Variants in NDRG4 observed in about 807,000 individuals in gnomAD.
NDRG4 encodes the protein protein NDRG4.
In NDRG4, 38 loss-of-function variants were observed where a neutral mutation model predicts 55.8. The observed-to-expected ratio is 0.68, with a 90% CI of 0.53 to 0.89. The LOEUF (loss-of-function observed/expected upper bound fraction) is 0.89. Ranked by LOEUF, NDRG4 falls within the 40% of genes least tolerant of loss-of-function variation. NDRG4 has a pLI of 0.00. For synonymous variants in NDRG4, 190 were observed against 182.7 expected (o/e 1.04, Z -0.32); for missense variants, 455 against 468.6 (o/e 0.97, Z 0.27).
intron 1 of NDRG4, among the ~76,000 whole-genome samples, chr16:58,477,516 G>A (rs959539202): frequency 6.6e-6 from 1 of 152,110 alleles, no homozygotes; most frequent in Non-Finnish European, 1.5e-5. Flanking sequence ...AATAATGATA[G>A]CAATGGCTTT....
chr16:58,494,995 A>G (rs1289657771), exon 3 of NDRG4: 1 of 1,613,566 alleles, frequency 6.2e-7, no homozygotes, highest in Non-Finnish European at 8.5e-7. Flanking sequence ...TTGGCTGCAG[A>G]CACAGACTGG....
chr16:58,505,143 A>G (rs1342531281), intron 5 of NDRG4, among the ~76,000 whole-genome samples: 1 of 152,104 alleles, frequency 6.6e-6, no homozygotes, highest in African/African-American at 2.4e-5. Flanking sequence ...AGGTCAGGAG[A>G]TCAAGACCAT....
At chr16:58,480,435 T>TGTCTG (rs1567577576) in intron 1 of NDRG4, among the ~76,000 whole-genome samples, 1 of 152,202 alleles carries the variant, frequency 6.6e-6, no homozygotes, top group Non-Finnish European at 1.5e-5. Context: ...CCCCTCCAAG[T>TGTCTG]TTTGTGGCCA....
In NDRG4 at chr16:58,504,308, G is replaced by A. The variant is rs200646273; in HGVS notation, c.248+34G>A. Reference sequence around the variant, plus strand: ...CCTGAGCCCCCTCTGCCTGTCTCCAGCTCTGCACCTGAGGCCACACCTGGG... The same window carrying A: ...CCTGAGCCCCCTCTGCCTGTCTCCAACTCTGCACCTGAGGCCACACCTGGG... On this transcript the variant is annotated intron_variant, in intron 3 of 14. Coordinates refer to ENST00000570248, the MANE Select transcript of NDRG4 (RefSeq NM_001242835.2). 7.4e-6 allele frequency: 12 copies of A among 1,613,992 alleles called. No individual in the cohort carries two copies. In the African/African-American group the frequency reaches 1.6e-4, roughly 22 times the overall value.
chr16:58,500,145 A>C lies in NDRG4; in HGVS notation c.-104A>C. 6.5e-7 allele frequency: 1 copy of C among 1,534,864 alleles called. No individual in the cohort carries two copies. The highest frequency in any genetic ancestry group is 8.7e-7 in the Non-Finnish European group (1 of 1,146,258). On this transcript the variant is annotated 5_prime_UTR_variant, in exon 1 of 15. Coordinates refer to ENST00000570248, the MANE Select transcript of NDRG4 (RefSeq NM_001242835.2). Reference sequence around the variant, plus strand: ...TGGCCCAGGAGCTGTGCCCCATCACAGAGCCGACCATCTCCCACTCGAGCT... The same window carrying C: ...TGGCCCAGGAGCTGTGCCCCATCACCGAGCCGACCATCTCCCACTCGAGCT...
intron 1 of NDRG4, chr16:58,465,227 C>A: frequency 1.5e-6 from 1 of 685,264 alleles, no homozygotes; most frequent in Non-Finnish European, 2.3e-6. Context: ...CAGATGAGCA[C>A]AGATTCCAGT....
Position 58,506,940 on chromosome 16 carries a change from T to C in NDRG4, c.545T>C (p.Val182Ala). Residue 182 changes from valine to alanine, a missense_variant, in exon 8 of 15, where the codon GTG (valine) becomes GCG (alanine). Transcript: ENST00000570248. ...GAGCTGGTGAACAACACAGAGTTGG[T>C]GCAGAGCTACCGGCAGCAGATTGGG... ...QEELVNNTEL[V>A]QSYRQQIGNV... is the part of the protein sequence containing the mutation. The C allele has an allele frequency of 6.2e-7, 1 of 1,614,132 alleles. No homozygotes were observed.
chr16:58,493,507 G>A (rs1029896876), intron 2 of NDRG4, among the ~76,000 whole-genome samples: 15 of 152,204 alleles, frequency 9.9e-5, no homozygotes, highest in African/African-American at 3.6e-4. Context: ...GGCCTCAGGT[G>A]ATCTGCCCGC....
At chr16:58,468,336 C>T (rs148631000) in intron 1 of NDRG4, among the ~76,000 whole-genome samples, 2 of 152,310 alleles carry the variant, frequency 1.3e-5, no homozygotes, top group South Asian at 2.1e-4. Context: ...ATGTGAATTT[C>T]GGGGTCTCCC....
intron 1 of NDRG4, among the ~76,000 whole-genome samples, chr16:58,482,782 T>TTCTC (rs1171840455): frequency 7.1e-6 from 1 of 141,088 alleles, no homozygotes; most frequent in African/African-American, 2.6e-5. Flanking sequence ...TTTTCCTTCC[T>TTCTC]TCTCTCTCTC....
chr16:58,482,370 G>A (rs2034500030), intron 1 of NDRG4, among the ~76,000 whole-genome samples: 1 of 152,146 alleles, frequency 6.6e-6, no homozygotes, highest in African/African-American at 2.4e-5. Context: ...CCGCAGGCCT[G>A]TTTCCTCTGT....
intron 12 of NDRG4, 35 bp from the exon 13 acceptor site, chr16:58,509,266 C>A: frequency 6.2e-7 from 1 of 1,613,936 alleles, no homozygotes. Context: ...TCCTAGGCAG[C>A]CAATGAAAGC....
chr16:58,493,168 G>A (rs552934770), intron 2 of NDRG4, among the ~76,000 whole-genome samples: 2 of 152,302 alleles, frequency 1.3e-5, no homozygotes, highest in East Asian at 3.9e-4. Flanking sequence ...GTGATTTGGG[G>A]TCATTTTCCT....
chr16:58,509,163 T>G lies in NDRG4; in HGVS notation c.787T>G (p.Ser263Ala). The G allele has an allele frequency of 6.2e-7, 1 of 1,613,996 alleles. No individual in the cohort carries two copies. Among genetic ancestry groups the G allele is most frequent in the Non-Finnish European group, 8.5e-7 (1 of 1,180,032 alleles). ...ACTCTCTCCCTTGCAGATGGCAGAC[T>G]CTGGAGGGCTGCCCCAGGTCACACA... is the stretch of plus-strand genomic sequence containing the variant. ...TTTTFLKMAD[S>A]GGLPQVTQPG... The change falls in exon 12 of 15, where the codon TCT (serine) becomes GCT (alanine). Residue 263 changes from serine to alanine, a missense_variant. By Grantham distance (99) the Ser-to-Ala change is moderately conservative. Coordinates refer to ENST00000570248, the MANE Select transcript of NDRG4 (RefSeq NM_001242835.2).
At chr16:58,490,703 A>G (rs1044089381) in intron 2 of NDRG4, among the ~76,000 whole-genome samples, 3 of 152,168 alleles carry the variant, frequency 2.0e-5, no homozygotes, top group Non-Finnish European at 4.4e-5. Flanking sequence ...CCCGCCAGAC[A>G]TGTTGGCTCA....
intron 1 of NDRG4, among the ~76,000 whole-genome samples, chr16:58,471,442 A>G (rs16960169): frequency 1.3e-5 from 2 of 151,636 alleles, no homozygotes; most frequent in Non-Finnish European, 2.9e-5. Flanking sequence ...GTGACCTTGA[A>G]CTGAGCCTGG....
intron 1 of NDRG4, among the ~76,000 whole-genome samples, chr16:58,472,864 G>C (rs2033068564): frequency 6.6e-6 from 1 of 152,006 alleles, no homozygotes; most frequent in Admixed American, 6.5e-5. Flanking sequence ...CTTCGAGACC[G>C]GGCCCAGGGC....
upstream of NDRG4, chr16:58,496,865 T>TTGTAAAGAGGG (rs2036473310): frequency 6.6e-6 from 1 of 152,132 alleles, no homozygotes; most frequent in African/African-American, 2.4e-5. Context: ...TCCCTGTGCT[T>TTGTAAAGAGGG]TATTTGCCTC....
At chr16:58,511,272 G>A (rs912746039) in intron 14 of NDRG4, 150 bp from the exon 15 acceptor site, 20 of 891,708 alleles carry the variant, frequency 2.2e-5, no homozygotes, top group Non-Finnish European at 3.1e-5. Flanking sequence ...CCCCCAGCCC[G>A]ACAGCTGTCG....
Sources: gnomAD v4.1 joint callset for allele counts (sites outside exome capture counted in the v4.1 genomes callset) on GRCh38, gnomAD v4.1.1 for gene constraint, MANE v1.5 for transcripts, NCBI Gene and HGNC (gene_info 2026-07-23, HGNC 2026-07-21) for gene names.